Variants in RNF2 observed in about 807,000 individuals in gnomAD.
RNF2 encodes the protein E3 ubiquitin-protein ligase RING2.
RNF2 carries 6 observed loss-of-function variants against 37.2 expected under a neutral mutation model. That is an observed-to-expected ratio of 0.16 (90% CI 0.09 to 0.32). RNF2 has a LOEUF of 0.32. RNF2 is among the 10% of genes least tolerant of loss of function. The pLI is 1.00. For synonymous variants in RNF2, 133 were observed against 132.7 expected, an observed-to-expected ratio of 1.00 and a Z score of -0.02; for missense variants, 251 against 404.0, an observed-to-expected ratio of 0.62 and a Z score of 3.25.
chr1:185,095,429 C>G (rs994205590), intron 4 of RNF2, among the ~76,000 whole-genome samples: 2 of 152,188 alleles, frequency 1.3e-5, no homozygotes, highest in African/African-American at 4.8e-5. Flanking sequence ...GGCACACTAC[C>G]TCACTTTCTT....
At chr1:185,085,105 G>A (rs1196797346) in intron 1 of RNF2, among the ~76,000 whole-genome samples, 1 of 147,526 alleles carries the variant, frequency 6.8e-6, no homozygotes, top group Non-Finnish European at 1.5e-5. Context: ...ATAAAAAATG[G>A]TTGCTTTCTC....
chr1:185,101,690 T>G lies in RNF2; in HGVS notation c.*1389T>G, dbSNP rs1472981343. 1 of 152,270 alleles carries G rather than the reference T, an allele frequency of 6.6e-6. No homozygotes were observed. The highest frequency in any genetic ancestry group is 1.9e-4 in the East Asian group (1 of 5,202). 9.4% of individuals were successfully genotyped at this position (152,270 alleles called of 1,614,324 possible). A position where few individuals can be genotyped will look rare whatever the true frequency, so the allele number is the denominator to read the frequency against. ...ACCTTTGTAACTAAAGTCTGTCTAG[T>G]CATTGTAAATATTTATCTGTCAGTT... is the stretch of plus-strand genomic sequence containing the variant. On this transcript the variant is annotated 3_prime_UTR_variant, in exon 7 of 7. Transcript: ENST00000367510.
chr1:185,060,298 C>T (rs1650560975), intron 1 of RNF2, among the ~76,000 whole-genome samples: 1 of 152,152 alleles, frequency 6.6e-6, no homozygotes, highest in Non-Finnish European at 1.5e-5. Flanking sequence ...ATCATTAAGT[C>T]TACAGGTTTA....
chr1:185,096,043 C>T (rs1651901782), intron 4 of RNF2, among the ~76,000 whole-genome samples: 1 of 152,132 alleles, frequency 6.6e-6, no homozygotes, highest in Non-Finnish European at 1.5e-5. Flanking sequence ...ATTAATATAG[C>T]TCTGTCACAT....
intron 1 of RNF2, among the ~76,000 whole-genome samples, chr1:185,082,925 A>G (rs1334954236): frequency 2.6e-5 from 4 of 152,232 alleles, no homozygotes; most frequent in Non-Finnish European, 5.9e-5. Flanking sequence ...ACATTGAAGA[A>G]TGTATTCCAG....
chr1:185,083,068 A>G (rs1651477217), intron 1 of RNF2, among the ~76,000 whole-genome samples: 1 of 152,186 alleles, frequency 6.6e-6, no homozygotes, highest in African/African-American at 2.4e-5. Context: ...TCTTCAAAGC[A>G]GCATCATTTG....
chr1:185,051,416 T>C (rs944806687), intron 1 of RNF2, among the ~76,000 whole-genome samples: 3 of 152,112 alleles, frequency 2.0e-5, no homozygotes, highest in Non-Finnish European at 2.9e-5. Context: ...TTAAAAAAAA[T>C]AAAAAATGCC....
intron 1 of RNF2, among the ~76,000 whole-genome samples, chr1:185,075,527 T>G (rs957387094): frequency 1.3e-5 from 2 of 152,278 alleles, no homozygotes; most frequent in South Asian, 2.1e-4. Context: ...GGATAATTTA[T>G]AGAGAAAAGA....
At chr1:185,080,892 G>A (rs538824792) in intron 1 of RNF2, among the ~76,000 whole-genome samples, 2 of 152,296 alleles carry the variant, frequency 1.3e-5, no homozygotes, top group Non-Finnish European at 2.9e-5. Context: ...CGTTCAGTAG[G>A]CAGAAGGAGT....
intron 4 of RNF2, 137 bp downstream of exon 4, chr1:185,093,413 C>T (rs1651824908): frequency 1.4e-6 from 1 of 708,344 alleles, no homozygotes; most frequent in Non-Finnish European, 2.4e-6. Context: ...AGGTATAATA[C>T]ATGCCTCCAG....
chr1:185,077,625 G>GTTTTTTTTTTT (rs528747420), intron 1 of RNF2, among the ~76,000 whole-genome samples: 10 of 115,694 alleles, frequency 8.6e-5, no homozygotes, highest in African/African-American at 2.0e-4. Flanking sequence ...AATTAACTTT[G>GTTTTTTTTTTT]TTTTTTTTTT....
rs1411285915 is a variant in RNF2, at chr1:185,102,424, A to G, written c.*2123A>G. Reference sequence around the variant, plus strand: ...TGGGTACTTAGTTCTAAATTTTTTTATGGTAACATATACATAGCCACATTT... The same window carrying G: ...TGGGTACTTAGTTCTAAATTTTTTTGTGGTAACATATACATAGCCACATTT... On this transcript the variant is annotated 3_prime_UTR_variant, in exon 7 of 7. Coordinates refer to ENST00000367510, the MANE Select transcript of RNF2 (RefSeq NM_007212.4). 3 of 152,204 alleles carry G rather than the reference A, an allele frequency of 2.0e-5. No homozygotes were observed. Among genetic ancestry groups the G allele is most frequent in the South Asian group, 2.1e-4 (1 of 4,832 alleles). 9.4% of individuals were successfully genotyped at this position (152,204 alleles called of 1,614,324 possible).
chr1:185,062,584 T>C (rs1650642220), intron 1 of RNF2, among the ~76,000 whole-genome samples: 1 of 152,090 alleles, frequency 6.6e-6, no homozygotes, highest in Admixed American at 6.5e-5. Context: ...TTTTTTATAA[T>C]TTTAGAGTAT....
At chr1:185,068,435 G>A (rs896930568) in intron 1 of RNF2, among the ~76,000 whole-genome samples, 34 of 152,324 alleles carry the variant, frequency 2.2e-4, no homozygotes, top group African/African-American at 7.9e-4. Context: ...GGCCTTAAAT[G>A]TTACCACATG....
intron 1 of RNF2, among the ~76,000 whole-genome samples, chr1:185,076,908 C>A (rs900550073): frequency 5.3e-5 from 8 of 151,766 alleles, no homozygotes; most frequent in Non-Finnish European, 1.0e-4. Context: ...ATTTTGTCTG[C>A]TGGTATTTTG....
intron 1 of RNF2, among the ~76,000 whole-genome samples, chr1:185,050,718 G>A (rs1168308298): frequency 1.3e-5 from 2 of 152,162 alleles, no homozygotes; most frequent in African/African-American, 2.4e-5. Context: ...AATTGAAAGG[G>A]TAAAATAGTA....
chr1:185,097,953 G>A, intron 4 of RNF2, 119 bp from the exon 5 acceptor site: 1 of 1,055,902 alleles, frequency 9.5e-7, no homozygotes, highest in Non-Finnish European at 1.4e-6. Context: ...CCAACTCAGA[G>A]TAAATTCAGT....
intron 2 of RNF2, 134 bp downstream of exon 2, chr1:185,087,774 G>C (rs1194322687): frequency 1.0e-5 from 7 of 671,694 alleles, no homozygotes; most frequent in Non-Finnish European, 1.6e-5. Flanking sequence ...CTGTATGTTG[G>C]CTAACACTTT....
At chr1:185,077,621 C>A (rs1286381896) in intron 1 of RNF2, among the ~76,000 whole-genome samples, 1 of 111,594 alleles carries the variant, frequency 9.0e-6, no homozygotes, top group Non-Finnish European at 1.8e-5. Flanking sequence ...TAGGAATTAA[C>A]TTTGTTTTTT....
Sources: allele counts gnomAD v4.1 joint callset (sites outside exome capture counted in the v4.1 genomes callset), GRCh38; gene constraint gnomAD v4.1.1; transcripts MANE v1.5; gene names NCBI Gene and HGNC (gene_info 2026-07-23, HGNC 2026-07-21).